PDE4D: variants seen among roughly 807,000 people sequenced by gnomAD.
PDE4D encodes 3',5'-cyclic-AMP phosphodiesterase 4D.
In PDE4D, 24 loss-of-function variants were observed where a neutral mutation model predicts 87.4. The ratio of observed to expected loss-of-function variants is 0.27; its 90% CI spans 0.20 to 0.39. The LOEUF (loss-of-function observed/expected upper bound fraction) is 0.39, where lower values mean the gene tolerates loss of function less well. Ranked by LOEUF, PDE4D falls within the 10% of genes least tolerant of loss-of-function variation. The pLI, the probability that PDE4D is intolerant of heterozygous loss-of-function variation, is 1.00. For synonymous variants in PDE4D, 384 were observed against 383.2 expected (o/e 1.00, Z -0.02); for missense variants, 714 against 1,041.0 (o/e 0.69, Z 4.32).
chr5:60,219,680 A>AGTTAG (rs1744268795), intron 1 of PDE4D, among the ~76,000 whole-genome samples: 1 of 152,178 alleles, frequency 6.6e-6, no homozygotes, highest in South Asian at 2.1e-4. Flanking sequence ...TTTGAAATGC[A>AGTTAG]AACCAGTGGT....
chr5:59,430,806 T>TA (rs1309943413), intron 1 of PDE4D, among the ~76,000 whole-genome samples: 42 of 152,160 alleles, frequency 2.8e-4, no homozygotes, highest in Non-Finnish European at 1.0e-4. Flanking sequence ...AATGTAATAG[T>TA]AGTTTGGTAA....
intron 3 of PDE4D, among the ~76,000 whole-genome samples, chr5:59,944,592 C>T (rs1407280633): frequency 1.3e-5 from 2 of 151,958 alleles, no homozygotes; most frequent in Non-Finnish European, 2.9e-5. Context: ...ACAATGGTCT[C>T]GATCTCCTGA....
At chr5:60,279,534 T>G (rs1257993633) in intron 1 of PDE4D, among the ~76,000 whole-genome samples, 1 of 152,180 alleles carries the variant, frequency 6.6e-6, no homozygotes, top group African/African-American at 2.4e-5. Context: ...ATGCTTTTTC[T>G]GTTATTTACC....
intron 1 of PDE4D, among the ~76,000 whole-genome samples, chr5:60,341,256 G>A (rs1758293510): frequency 6.6e-6 from 1 of 152,144 alleles, no homozygotes; most frequent in Non-Finnish European, 1.5e-5. Flanking sequence ...GTTTAAAGTA[G>A]TCAAGTGGCC....
chr5:60,493,344 T>C (rs564736257), intron 1 of PDE4D, among the ~76,000 whole-genome samples: 1 of 152,376 alleles, frequency 6.6e-6, no homozygotes, highest in South Asian at 2.1e-4. Context: ...CATGAACAGC[T>C]ATGCTGATTA....
chr5:60,490,991 A>G (rs529849264), upstream of PDE4D: 5 of 152,208 alleles, frequency 3.3e-5, no homozygotes, highest in Non-Finnish European at 7.3e-5. Flanking sequence ...CAAATCAACT[A>G]AGACTGGCAG....
At chr5:60,323,534 T>C (rs1354813921) in intron 1 of PDE4D, among the ~76,000 whole-genome samples, 1 of 152,202 alleles carries the variant, frequency 6.6e-6, no homozygotes, top group Non-Finnish European at 1.5e-5. Flanking sequence ...CCTTGTAACT[T>C]CAGCAATTCT....
At chr5:59,517,688 T>C (rs1811421478) in intron 1 of PDE4D, among the ~76,000 whole-genome samples, 1 of 152,162 alleles carries the variant, frequency 6.6e-6, no homozygotes, top group Non-Finnish European at 1.5e-5. Flanking sequence ...TTTCATAGGG[T>C]TGTAGCAGTT....
chr5:60,449,385 T>C (rs893241467), intron 1 of PDE4D, among the ~76,000 whole-genome samples: 3 of 150,492 alleles, frequency 2.0e-5, no homozygotes, highest in African/African-American at 7.3e-5. Flanking sequence ...CAGTAAACTA[T>C]CGCAAGAACA....
chr5:60,190,107 A>G (rs537472773), intron 1 of PDE4D, among the ~76,000 whole-genome samples: 1 of 152,214 alleles, frequency 6.6e-6, no homozygotes. Context: ...ATATAATAAA[A>G]ACAGGCTTAA....
chr5:59,194,116 C>A (rs894091910), intron 2 of PDE4D, among the ~76,000 whole-genome samples: 1 of 152,174 alleles, frequency 6.6e-6, no homozygotes, highest in Non-Finnish European at 1.5e-5. Context: ...TGTGCTGTTG[C>A]TGCAGCAACC....
At chr5:59,435,174 T>A (rs1321869879) in intron 1 of PDE4D, among the ~76,000 whole-genome samples, 4 of 152,078 alleles carry the variant, frequency 2.6e-5, no homozygotes, top group Admixed American at 1.3e-4. Flanking sequence ...TTTTTCCTCC[T>A]CAAATCTATC....
intron 1 of PDE4D, among the ~76,000 whole-genome samples, chr5:60,337,892 A>G (rs890699675): frequency 6.6e-6 from 1 of 152,098 alleles, no homozygotes; most frequent in Non-Finnish European, 1.5e-5. Flanking sequence ...AACATTCCTC[A>G]TGGGCTAGTA....
intron 1 of PDE4D, among the ~76,000 whole-genome samples, chr5:60,508,755 T>G (rs963366504): frequency 9.9e-5 from 15 of 152,236 alleles, no homozygotes; most frequent in Admixed American, 4.6e-4. Flanking sequence ...TGTGTTTCTA[T>G]TTAAAGATAG....
chr5:59,928,294 A>G (rs1241605654), intron 3 of PDE4D, among the ~76,000 whole-genome samples: 2 of 152,188 alleles, frequency 1.3e-5, no homozygotes, highest in Non-Finnish European at 2.9e-5. Flanking sequence ...ACAAGTTTTG[A>G]GCTTTTAAAC....
In PDE4D at chr5:59,870,761, AATGTAC is replaced by A. The variant is rs531503964; in HGVS notation, c.455+22401_455+22406del. ...TGCCAAGACAGGGAGATTGTACTGAAATGTACATTTCAGAGCCAAATTTAGTGCTTT... is the reference window on the plus strand; with the variant it reads ...TGCCAAGACAGGGAGATTGTACTGAAATTTCAGAGCCAAATTTAGTGCTTT... On this transcript the variant is annotated intron_variant, in intron 1 of 14. Coordinates refer to ENST00000340635, the MANE Select transcript of PDE4D (RefSeq NM_001104631.2). Among the ~76,000 whole-genome samples the A allele has an allele frequency of 2.2e-3, 334 of 152,228 alleles. 2 individuals carry two copies. The highest frequency in any genetic ancestry group is 7.8e-3 in the African/African-American group (322 of 41,520).
intron 1 of PDE4D, among the ~76,000 whole-genome samples, chr5:59,818,052 C>T (rs1384748735): frequency 1.3e-5 from 2 of 152,142 alleles, no homozygotes; most frequent in South Asian, 4.1e-4. Context: ...GGACATTGAG[C>T]AGAGAGCCCA....
chr5:59,392,503 C>CCATA (rs929992063), intron 1 of PDE4D, among the ~76,000 whole-genome samples: 6 of 139,286 alleles, frequency 4.3e-5, no homozygotes, highest in African/African-American at 1.6e-4. Context: ...GTGTGTGTGT[C>CCATA]TATATATATA....
chr5:59,478,899 A>C (rs1213095339), intron 1 of PDE4D, among the ~76,000 whole-genome samples: 1 of 113,926 alleles, frequency 8.8e-6, no homozygotes, highest in Non-Finnish European at 1.7e-5. Flanking sequence ...TTCTTCATAA[A>C]ATTTTCAATA....
Sources: gnomAD v4.1 joint callset for allele counts (sites outside exome capture counted in the v4.1 genomes callset) on GRCh38, gnomAD v4.1.1 for gene constraint, MANE v1.5 for transcripts, NCBI Gene and HGNC (gene_info 2026-07-23, HGNC 2026-07-21) for gene names.